Variants in SUN1 observed in about 807,000 individuals in gnomAD.
SUN1 encodes SUN domain-containing protein 1.
Under a neutral mutation model 103.2 loss-of-function variants are expected in SUN1, and 61 were observed. The ratio of observed to expected loss-of-function variants is 0.59; its 90% CI spans 0.48 to 0.73. The LOEUF (loss-of-function observed/expected upper bound fraction) is 0.73. Among genes scored for constraint, SUN1 ranks in the 30% least tolerant of loss-of-function variants. The pLI, the probability that SUN1 is intolerant of heterozygous loss-of-function variation, is 0.00. For missense variants in SUN1, 1,052 were observed against 1,034.6 expected (o/e 1.02, Z -0.23); for synonymous variants, 490 against 425.7 (o/e 1.15, Z -1.86).
At chr7:841,781 C>T in intron 2 of SUN1, 165 bp from the exon 3 acceptor site, 1 of 695,448 alleles carries the variant, frequency 1.4e-6, no homozygotes, top group Non-Finnish European at 2.3e-6. Context: ...TCAAAAATTC[C>T]TTTTTTATAT....
intron 1 of SUN1, among the ~76,000 whole-genome samples, chr7:821,542 T>G (rs1314228462): frequency 6.6e-6 from 1 of 152,198 alleles, no homozygotes; most frequent in Non-Finnish European, 1.5e-5. Context: ...CCTGAATTTA[T>G]GATGATCGAA....
Position 832,492 on chromosome 7 carries a change from C to T in SUN1, c.-33C>T, listed in dbSNP as rs1257809945. 3.7e-6 allele frequency: 6 copies of T among 1,602,522 alleles called. No individual in the cohort carries two copies. The highest frequency in any genetic ancestry group is 1.1e-5 in the South Asian group (1 of 89,332). On this transcript the variant is annotated 5_prime_UTR_variant, in exon 1 of 19. Coordinates refer to ENST00000401592, the MANE Select transcript of SUN1 (RefSeq NM_001130965.3). The stretch of plus-strand genomic sequence containing the variant: ...CGTTAAAACACTCTGCATTTCTTTC[C>T]CGCCCTCTGCAGTATGGTTTGAAGT...
Position 844,861 on chromosome 7 carries a change from G to T in SUN1, c.658+1341G>T, listed in dbSNP as rs535468864. On this transcript the variant is annotated intron_variant, in intron 5 of 18. Transcript: ENST00000401592. ...AGCTGAACCCAGGCGTCTGACCCAG[G>T]TGCTCCCCCTTAGCCACCTGCCTCC... 9.9e-5 allele frequency among the ~76,000 whole-genome samples: 15 copies of T among 152,246 alleles called. No individual in the cohort carries two copies. The South Asian group carries it at 1.5e-3, about 15-fold the overall frequency.
At chr7:866,409 T>G (rs1836625520) in intron 16 of SUN1, among the ~76,000 whole-genome samples, 1 of 152,050 alleles carries the variant, frequency 6.6e-6, no homozygotes, top group African/African-American at 2.4e-5. Flanking sequence ...GTCACGAGAG[T>G]GGCAGCTGTG....
chr7:829,530 C>G (rs1416174974), upstream of SUN1, among the ~76,000 whole-genome samples: 4 of 151,300 alleles, frequency 2.6e-5, no homozygotes, highest in Non-Finnish European at 5.9e-5. Context: ...AATTGCACAC[C>G]CAGAAGAAAA....
intron 5 of SUN1, among the ~76,000 whole-genome samples, chr7:845,997 C>A (rs1815254566): frequency 6.6e-6 from 1 of 152,128 alleles, no homozygotes; most frequent in Non-Finnish European, 1.5e-5. Context: ...GCAGTTCTGG[C>A]TTTGTCTTTC....
intron 2 of SUN1, among the ~76,000 whole-genome samples, chr7:841,464 G>T (rs1221755734): frequency 6.6e-6 from 1 of 151,790 alleles, no homozygotes; most frequent in African/African-American, 2.4e-5. Context: ...GGATGGTCTC[G>T]ATCTCCTGAC....
At chr7:861,658 G>A (rs1396012295) in intron 15 of SUN1, among the ~76,000 whole-genome samples, 194 bp downstream of exon 15, 1 of 152,222 alleles carries the variant, frequency 6.6e-6, no homozygotes, top group Non-Finnish European at 1.5e-5. Context: ...GGGGGCACAA[G>A]TTCTCCCCTG....
At chr7:870,961 G>T (rs1335621554) in intron 17 of SUN1, among the ~76,000 whole-genome samples, 2 of 145,938 alleles carry the variant, frequency 1.4e-5, no homozygotes. Context: ...CGCGATTTCA[G>T]CTCACCACAA....
At chr7:873,139 C>T (rs1427979473) in intron 18 of SUN1, 76 bp from the exon 19 acceptor site, 3 of 1,320,988 alleles carry the variant, frequency 2.3e-6, no homozygotes, top group East Asian at 2.3e-5. Context: ...TGTCAGACGT[C>T]ATATTTGGGG....
In SUN1 at chr7:845,927, G is replaced by A. The variant is rs572781003; in HGVS notation, c.658+2407G>A. 2.2e-4 allele frequency among the ~76,000 whole-genome samples: 34 copies of A among 151,776 alleles called. No homozygotes were observed. In the South Asian group the frequency reaches 6.9e-3, roughly 31 times the overall value. On this transcript the variant is annotated intron_variant, in intron 5 of 18. Transcript: ENST00000401592. ...GCTGCGTGGCTGTCCCGGGGTTCTC[G>A]TCAGCCTCCCCGGTGCTGCGTGGCT...
intron 14 of SUN1, 112 bp downstream of exon 14, chr7:860,494 G>A: frequency 1.3e-6 from 2 of 1,522,216 alleles, no homozygotes; most frequent in Admixed American, 1.9e-5. Context: ...TGGTCTGGCT[G>A]GGGTGTGCTT....
intron 14 of SUN1, 42 bp from the exon 15 acceptor site, chr7:861,338 C>G: frequency 6.2e-7 from 1 of 1,607,950 alleles, no homozygotes; most frequent in Non-Finnish European, 8.5e-7. Context: ...TCTCTCCTCT[C>G]CTGTTCTGGT....
chr7:861,553 C>T (rs772333155), intron 15 of SUN1, 89 bp downstream of exon 15: 290 of 1,286,952 alleles, frequency 2.3e-4, no homozygotes, highest in Non-Finnish European at 3.2e-4. Flanking sequence ...ACCCCACTTC[C>T]AGCAGTAAGG....
At position 858,074 on chromosome 7, in the gene SUN1, C is replaced by T. The variant is rs145652257; in HGVS notation, c.1524+117C>T. 2.3e-3 allele frequency: 2,856 copies of T among 1,268,766 alleles called. 59 individuals are homozygous for T. The African/African-American group carries it at 0.039, about 17-fold the overall frequency. The allele number at this position is 1,268,766 out of a possible 1,614,324, so 78.6% of individuals were successfully genotyped here. On this transcript the variant is annotated intron_variant, in intron 13 of 18. Transcript: ENST00000401592. ...TTATTTATTTATTTATTTTTGAAAC[C>T]GAGTCTTGCTGTGGCACGCAGGCTA... is the stretch of plus-strand genomic sequence containing the variant.
chr7:861,339 C>A (rs1422539003), intron 14 of SUN1, 41 bp from the exon 15 acceptor site: 1 of 1,608,560 alleles, frequency 6.2e-7, no homozygotes. Flanking sequence ...CTCTCCTCTC[C>A]TGTTCTGGTG....
At position 854,905 on chromosome 7, in the gene SUN1, C is replaced by T. The variant is rs969689383; in HGVS notation, c.1264-15C>T. 3 of 1,599,958 alleles carry T rather than the reference C, an allele frequency of 1.9e-6. No individual in the cohort carries two copies. The African/African-American group carries it at 4.0e-5, about 22-fold the overall frequency. On this transcript the variant is annotated splice_polypyrimidine_tract_variant and intron_variant, in intron 10 of 18. Coordinates refer to ENST00000401592, the MANE Select transcript of SUN1 (RefSeq NM_001130965.3). ...AACTTTCTCCATCATTTGTTCACTC[C>T]TTCTCTTTCCTAAGACTGACTTTAT...
chr7:833,021 A>G (rs76632630), intron 1 of SUN1: 24,629 of 158,232 alleles, frequency 0.16, 2,061 homozygotes, highest in South Asian at 0.24. Context: ...TGAGAACACA[A>G]CTTTTGTCTG....
At chr7:835,215 G>A (rs936951243) in intron 1 of SUN1, among the ~76,000 whole-genome samples, 3 of 152,330 alleles carry the variant, frequency 2.0e-5, no homozygotes, top group South Asian at 2.1e-4. Flanking sequence ...CCAGCACTTC[G>A]GAGCCTCTGC....
Sources: allele counts gnomAD v4.1 joint callset (sites outside exome capture counted in the v4.1 genomes callset), GRCh38; gene constraint gnomAD v4.1.1; transcripts MANE v1.5; gene names NCBI Gene and HGNC (gene_info 2026-07-23, HGNC 2026-07-21).